Variants in PIP5K1B observed in about 807,000 individuals in gnomAD.
PIP5K1B encodes the protein phosphatidylinositol-4-phosphate 5-kinase type 1 beta.
A neutral mutation model predicts 67.0 loss-of-function variants in PIP5K1B; 42 were observed. That is an observed-to-expected ratio of 0.63 (90% CI 0.49 to 0.81). PIP5K1B has a LOEUF of 0.81. Among genes scored for constraint, PIP5K1B ranks in the 30% least tolerant of loss-of-function variants. The pLI is 0.00. For missense variants in PIP5K1B, 459 were observed against 646.3 expected, an observed-to-expected ratio of 0.71 and a Z score of 3.14; for synonymous variants, 214 against 231.4, an observed-to-expected ratio of 0.92 and a Z score of 0.68.
At chr9:68,768,068 C>T in intron 2 of PIP5K1B, among the ~76,000 whole-genome samples, 1 of 152,106 alleles carries the variant, frequency 6.6e-6, no homozygotes, top group Non-Finnish European at 1.5e-5. Flanking sequence ...ATAAACTGTA[C>T]ACGGAAAGTA....
At chr9:68,907,358 G>A (rs1438557900) in intron 8 of PIP5K1B, among the ~76,000 whole-genome samples, 2 of 151,984 alleles carry the variant, frequency 1.3e-5, no homozygotes, top group African/African-American at 4.8e-5. Flanking sequence ...GCTAAGTGTG[G>A]CTTTCAACTG....
Position 68,791,174 on chromosome 9 carries a change from A to G in PIP5K1B, c.-85-27287A>G, listed in dbSNP as rs184481100. 2.0e-5 allele frequency among the ~76,000 whole-genome samples: 3 copies of G among 152,334 alleles called. No individual in the cohort carries two copies. The East Asian group carries it at 5.8e-4, about 29-fold the overall frequency. On this transcript the variant is annotated intron_variant, in intron 2 of 15. Transcript: ENST00000265382. ...AATTGAGAAAGATATTTTGTGCCCC[A>G]GCAGAGTAAAATGGTTGTTTGAGGT...
chr9:68,780,527 C>T (rs1267563790), intron 2 of PIP5K1B: 1 of 1,614,220 alleles, frequency 6.2e-7, no homozygotes, highest in Non-Finnish European at 8.5e-7. Context: ...AGGAAAGTTT[C>T]AGCCTGAGTG....
At chr9:68,710,915 A>G (rs1432528224) in intron 1 of PIP5K1B, among the ~76,000 whole-genome samples, 2 of 152,228 alleles carry the variant, frequency 1.3e-5, no homozygotes, top group Admixed American at 6.5e-5. Context: ...GCAATGAAAT[A>G]TAAAGCATTG....
At chr9:68,824,003 G>A (rs1833859396) in intron 4 of PIP5K1B, 1 of 462,756 alleles carries the variant, frequency 2.2e-6, no homozygotes, top group African/African-American at 2.0e-5. Context: ...AAAAGAGTTG[G>A]GTAAAGATTC....
At chr9:68,764,248 A>G (rs1470359349) in intron 2 of PIP5K1B, among the ~76,000 whole-genome samples, 3 of 151,870 alleles carry the variant, frequency 2.0e-5, no homozygotes, top group Non-Finnish European at 2.9e-5. Flanking sequence ...GTGTTCATCT[A>G]TTCATTGCAT....
intron 14 of PIP5K1B, among the ~76,000 whole-genome samples, chr9:68,985,492 T>C (rs1378548560): frequency 2.0e-5 from 3 of 152,186 alleles, no homozygotes; most frequent in Non-Finnish European, 4.4e-5. Flanking sequence ...CCTCAGGCGA[T>C]CCACCTGCCT....
At chr9:68,869,246 G>A (rs1413547084) in intron 5 of PIP5K1B, among the ~76,000 whole-genome samples, 3 of 152,162 alleles carry the variant, frequency 2.0e-5, no homozygotes, top group Admixed American at 6.5e-5. Flanking sequence ...GGCGAGCTCC[G>A]CCTCCTGTCA....
chr9:68,871,099 G>T (rs1390644780), intron 5 of PIP5K1B, among the ~76,000 whole-genome samples: 1 of 152,174 alleles, frequency 6.6e-6, no homozygotes, highest in Admixed American at 6.5e-5. Flanking sequence ...ACAAAGCTGT[G>T]TTGTTATTAG....
chr9:68,771,537 T>C (rs554426654), intron 2 of PIP5K1B, among the ~76,000 whole-genome samples: 134 of 152,328 alleles, frequency 8.8e-4, no homozygotes, highest in Non-Finnish European at 1.6e-3. Context: ...TACTGTCACC[T>C]CAGGCAACTT....
intron 4 of PIP5K1B, among the ~76,000 whole-genome samples, chr9:68,862,854 A>AC (rs1823168180): frequency 6.6e-6 from 1 of 150,882 alleles, no homozygotes; most frequent in Admixed American, 6.6e-5. Flanking sequence ...TGGCTCCAGG[A>AC]CCATATTCTA....
intron 3 of PIP5K1B, among the ~76,000 whole-genome samples, chr9:68,821,667 G>T (rs1396956000): frequency 6.6e-6 from 1 of 152,184 alleles, no homozygotes; most frequent in Non-Finnish European, 1.5e-5. Context: ...CCAATATGTA[G>T]TAAAAGCTTT....
intron 11 of PIP5K1B, among the ~76,000 whole-genome samples, chr9:68,920,784 TCACACACATA>T (rs1399614941): frequency 4.2e-5 from 6 of 142,136 alleles, no homozygotes; most frequent in Non-Finnish European, 1.5e-5. Flanking sequence ...TCTCTCTCTC[TCACACACATA>T]CACACACATA....
intron 2 of PIP5K1B, among the ~76,000 whole-genome samples, chr9:68,749,519 T>C (rs1190146588): frequency 6.6e-6 from 1 of 152,230 alleles, no homozygotes; most frequent in Non-Finnish European, 1.5e-5. Flanking sequence ...CCACCAAATT[T>C]AGTGTAATTT....
chr9:68,754,175 C>CTTTTTTTTTTTCTTTTTTTTTTTTTTT (rs564811222), intron 2 of PIP5K1B, among the ~76,000 whole-genome samples: 1 of 101,076 alleles, frequency 9.9e-6, no homozygotes, highest in African/African-American at 4.1e-5. Flanking sequence ...TCCATGATTT[C>CTTTTTTTTTTTCTTTTTTTTTTTTTTT]TTTTTTTTTT....
At chr9:68,783,620 T>C (rs1319241303) in intron 2 of PIP5K1B, 1 of 166,992 alleles carries the variant, frequency 6.0e-6, no homozygotes, top group African/African-American at 2.4e-5. Context: ...TTGACACCTC[T>C]CTTCTTTACT....
chr9:68,724,079 T>G (rs1175735113), intron 1 of PIP5K1B, among the ~76,000 whole-genome samples: 1 of 152,182 alleles, frequency 6.6e-6, no homozygotes, highest in African/African-American at 2.4e-5. Flanking sequence ...AGTTTTATTC[T>G]TCTGCATATG....
intron 14 of PIP5K1B, chr9:68,941,039 A>C (rs923054783): frequency 1.7e-6 from 1 of 594,432 alleles, no homozygotes; most frequent in Admixed American, 2.1e-5. Context: ...TCAATGGAAG[A>C]AGACAAATCT....
intron 4 of PIP5K1B, among the ~76,000 whole-genome samples, chr9:68,860,794 AT>A (rs1823025925): frequency 6.6e-6 from 1 of 152,164 alleles, no homozygotes; most frequent in South Asian, 2.1e-4. Context: ...GGAGATTCTG[AT>A]TTAGAGACAG....
Sources: gnomAD v4.1 joint callset for allele counts (sites outside exome capture counted in the v4.1 genomes callset) on GRCh38, gnomAD v4.1.1 for gene constraint, MANE v1.5 for transcripts, NCBI Gene and HGNC (gene_info 2026-07-23, HGNC 2026-07-21) for gene names.